IL5RA: variants seen among roughly 807,000 people sequenced by gnomAD.
IL5RA encodes the protein interleukin-5 receptor subunit alpha.
Under a neutral mutation model 50.0 loss-of-function variants are expected in IL5RA, and 49 were observed. That is an observed-to-expected ratio of 0.98 (90% CI 0.78 to 1.24). The LOEUF is 1.24. IL5RA is among the 50% of genes most tolerant of loss of function. IL5RA has a pLI of 0.00. For synonymous variants in IL5RA, 202 were observed against 174.0 expected (o/e 1.16, Z -1.26); for missense variants, 600 against 500.4 (o/e 1.20, Z -1.90).
At chr3:3,097,106 C>T (rs888829308) in intron 7 of IL5RA, among the ~76,000 whole-genome samples, 1 of 152,156 alleles carries the variant, frequency 6.6e-6, no homozygotes, top group Non-Finnish European at 1.5e-5. Flanking sequence ...ACTAAGAATG[C>T]CATGTGAGAG....
intron 5 of IL5RA, among the ~76,000 whole-genome samples, chr3:3,099,332 T>G (rs1703524184): frequency 6.6e-6 from 1 of 152,016 alleles, no homozygotes; most frequent in Non-Finnish European, 1.5e-5. Flanking sequence ...ACCTCGTCTT[T>G]GCAAAAAATA....
chr3:3,074,388 G>T (rs534328073), intron 11 of IL5RA, among the ~76,000 whole-genome samples: 1 of 152,316 alleles, frequency 6.6e-6, no homozygotes, highest in African/African-American at 2.4e-5. Context: ...TGGCTGATAT[G>T]AAATTAAAAT....
intron 9 of IL5RA, among the ~76,000 whole-genome samples, chr3:3,084,836 T>C (rs993863883): frequency 6.6e-6 from 1 of 152,256 alleles, no homozygotes; most frequent in Non-Finnish European, 1.5e-5. Flanking sequence ...TGTGTGATGA[T>C]AAAAGATGAT....
chr3:3,087,473 G>C (rs1045388532), intron 9 of IL5RA, among the ~76,000 whole-genome samples: 3 of 152,010 alleles, frequency 2.0e-5, no homozygotes, highest in African/African-American at 7.3e-5. Flanking sequence ...AATAACCTTG[G>C]GCTATAATGG....
chr3:3,086,692 T>C (rs2125965447), intron 9 of IL5RA, among the ~76,000 whole-genome samples: 1 of 152,178 alleles, frequency 6.6e-6, no homozygotes, highest in Admixed American at 6.5e-5. Context: ...CTGAATCAAA[T>C]TGTAGGCCTC....
At chr3:3,104,843 A>G in intron 3 of IL5RA, 60 bp downstream of exon 3, 1 of 1,025,634 alleles carries the variant, frequency 9.8e-7, no homozygotes, top group Admixed American at 1.8e-5. Context: ...AAATAATGTT[A>G]TCCTTTTACT....
chr3:3,083,966 AC>A (rs1388919078), intron 9 of IL5RA, among the ~76,000 whole-genome samples: 3 of 146,936 alleles, frequency 2.0e-5, no homozygotes, highest in East Asian at 4.0e-4. Flanking sequence ...AATTGCTTGA[AC>A]CCCCATGGGA....
intron 2 of IL5RA, among the ~76,000 whole-genome samples, chr3:3,106,625 C>T (rs562640911): frequency 6.6e-6 from 1 of 151,830 alleles, no homozygotes; most frequent in East Asian, 1.9e-4. Flanking sequence ...AAATTTTCAA[C>T]AAGTGAGAAT....
chr3:3,079,613 A>T (rs1309706372), intron 9 of IL5RA, among the ~76,000 whole-genome samples: 1 of 152,200 alleles, frequency 6.6e-6, no homozygotes, highest in East Asian at 1.9e-4. Flanking sequence ...TCATCTAAAC[A>T]CATGGCAGTT....
At position 3,102,663 on chromosome 3, in the gene IL5RA, A is replaced by C. The variant is rs777179964; in HGVS notation, c.228+12T>G. The stretch of plus-strand genomic sequence containing the variant: ...ATTCTCAATAAGGATATCCATTAGA[A>C]TAAACACTTACGTCATCTTCTTTTG... On this transcript the variant is annotated intron_variant, in intron 4 of 11. Coordinates refer to ENST00000446632, the MANE Select transcript of IL5RA (RefSeq NM_175726.4). The C allele has an allele frequency of 6.5e-7, 1 of 1,549,106 alleles. No homozygotes were observed. The highest frequency in any genetic ancestry group is 8.8e-7 in the Non-Finnish European group (1 of 1,135,154).
intron 9 of IL5RA, among the ~76,000 whole-genome samples, chr3:3,090,618 G>A (rs1387394980): frequency 6.9e-6 from 1 of 144,412 alleles, no homozygotes; most frequent in African/African-American, 2.6e-5. Flanking sequence ...CCGGGCTGGA[G>A]TGCAGTGGTG....
At chr3:3,085,825 G>A (rs1448515826) in intron 9 of IL5RA, among the ~76,000 whole-genome samples, 1 of 152,092 alleles carries the variant, frequency 6.6e-6, no homozygotes, top group Non-Finnish European at 1.5e-5. Flanking sequence ...CACTCCACCA[G>A]CTCAAACTCC....
Position 3,098,158 on chromosome 3 carries a change from G to T in IL5RA, c.500C>A (p.Thr167Lys). 2 of 1,614,132 alleles carry T rather than the reference G, an allele frequency of 1.2e-6. No individual in the cohort carries two copies. The highest frequency in any genetic ancestry group is 1.1e-5 in the South Asian group (1 of 91,086). ...TAACCTATAGTAGAGAAAATACTGC[G>T]TGTCCTCAGGGGCATCTGTGCCAAC... ...WLVGTDAPED[T>K]QYFLYYRYGS... Residue 167 changes from threonine to lysine, a missense_variant, in exon 6 of 12, where the codon ACG becomes AAG. Physicochemically the swap from Thr to Lys is moderately conservative, Grantham distance 78. Transcript: ENST00000446632.
Position 3,102,745 on chromosome 3 carries a change from T to G in IL5RA, c.158A>C (p.Asn53Thr). ...AACATTCCTTTGCTCTTGATCAGGA[T>G]TTGGTTTCCATTGTAAAAGAACTTG... ...LAQVLLQWKPNPDQEQRNVNL... is the reference protein window; with the variant it reads ...LAQVLLQWKPTPDQEQRNVNL... The change falls in exon 4 of 12, where the codon AAT (asparagine) becomes ACT (threonine). Residue 53 changes from asparagine to threonine, a missense_variant. Coordinates refer to ENST00000446632, the MANE Select transcript of IL5RA (RefSeq NM_175726.4). The G allele has an allele frequency of 6.2e-7, 1 of 1,610,504 alleles. No individual in the cohort carries two copies. The highest frequency in any genetic ancestry group is 8.5e-7 in the Non-Finnish European group (1 of 1,177,158).
Position 3,101,757 on chromosome 3 carries a change from A to G in IL5RA, c.302T>C (p.Ile101Thr). Residue 101 changes from isoleucine (I) to threonine (T), a missense_variant, in exon 5 of 12, where the codon ATC (isoleucine) becomes ACC (threonine). By Grantham distance (89) the Ile-to-Thr change is moderately conservative (BLOSUM62 -1). Coordinates refer to ENST00000446632, the MANE Select transcript of IL5RA (RefSeq NM_175726.4). ...CAGTAGTGAGTGGTCGTTCTGCAGG[A>G]TGGTCCGCACACTTGCTGAAAAGCC... Reference protein sequence around the residue: ...HKGFSASVRTILQNDHSLLAS... With the variant: ...HKGFSASVRTTLQNDHSLLAS... 6.2e-7 allele frequency: 1 copy of G among 1,614,144 alleles called. No individual in the cohort carries two copies. Among genetic ancestry groups the G allele is most frequent in the Non-Finnish European group, 8.5e-7 (1 of 1,179,998 alleles).
At position 3,070,177 on chromosome 3, in the gene IL5RA, G is replaced by A. The variant is rs1257271288; in HGVS notation, c.*48C>T. 8.4e-7 allele frequency: 1 copy of A among 1,194,560 alleles called. No individual in the cohort carries two copies. Among genetic ancestry groups the A allele is most frequent in the Non-Finnish European group, 1.2e-6 (1 of 811,236 alleles). 74.0% of individuals were successfully genotyped at this position (1,194,560 alleles called of 1,614,324 possible). On this transcript the variant is annotated 3_prime_UTR_variant, in exon 12 of 12. Transcript: ENST00000446632. ...AGCCAGCATCCCTGTTCTTTTCACT[G>A]AGGCACTGAGGCATGTGTGAGTTCA...
At chr3:3,100,742 A>T (rs2125982715) in intron 5 of IL5RA, among the ~76,000 whole-genome samples, 1 of 152,338 alleles carries the variant, frequency 6.6e-6, no homozygotes, top group African/African-American at 2.4e-5. Context: ...GGTTTGACGT[A>T]AGCCACATAC....
chr3:3,075,466 G>A (rs1702446242), intron 10 of IL5RA, among the ~76,000 whole-genome samples: 1 of 151,948 alleles, frequency 6.6e-6, no homozygotes, highest in Non-Finnish European at 1.5e-5. Flanking sequence ...GCCTCCCAAA[G>A]TGCTGAGATT....
chr3:3,073,246 G>A (rs73120791), intron 11 of IL5RA, among the ~76,000 whole-genome samples: 4 of 152,202 alleles, frequency 2.6e-5, no homozygotes, highest in South Asian at 2.1e-4. Flanking sequence ...GTTTTTCCAC[G>A]AACGCTTTCT....
Sources: gnomAD v4.1 joint callset for allele counts (sites outside exome capture counted in the v4.1 genomes callset) on GRCh38, gnomAD v4.1.1 for gene constraint, MANE v1.5 for transcripts, NCBI Gene and HGNC (gene_info 2026-07-23, HGNC 2026-07-21) for gene names.